ATP2C2: variants seen among roughly 807,000 people sequenced by gnomAD.
The protein encoded by ATP2C2 is ATPase secretory pathway Ca2+ transporting 2.
In ATP2C2, 171 loss-of-function variants were observed where a neutral mutation model predicts 110.8. The observed-to-expected ratio is 1.54, with a 90% CI of 1.36 to 1.75. The LOEUF (loss-of-function observed/expected upper bound fraction) is 1.75. ATP2C2 is among the 40% of genes most tolerant of loss of function. ATP2C2 has a pLI of 0.00. For missense variants in ATP2C2, 1,963 were observed against 1,235.0 expected (o/e 1.59, Z -8.84); for synonymous variants, 804 against 508.4 (o/e 1.58, Z -7.82).
chr16:84,414,116 G>C (rs1906626522), intron 6 of ATP2C2, among the ~76,000 whole-genome samples: 1 of 152,214 alleles, frequency 6.6e-6, no homozygotes, highest in South Asian at 2.1e-4. Context: ...CATTTAGAGA[G>C]GAGGTGACAT....
intron 21 of ATP2C2, among the ~76,000 whole-genome samples, chr16:84,458,506 AAAT>A (rs1191052545): frequency 2.2e-4 from 2 of 9,238 alleles, no homozygotes; most frequent in Middle Eastern, 0.036. Context: ...AAAAAAAAAA[AAAT>A]TTAAATAAAA....
At chr16:84,387,573 A>T (rs546330201) in intron 1 of ATP2C2, among the ~76,000 whole-genome samples, 1 of 152,278 alleles carries the variant, frequency 6.6e-6, no homozygotes, top group South Asian at 2.1e-4. Flanking sequence ...TACTTAAATA[A>T]ACTGTGGCAT....
chr16:84,430,653 A>AAC (rs1908193447), intron 11 of ATP2C2, among the ~76,000 whole-genome samples: 1 of 151,552 alleles, frequency 6.6e-6, no homozygotes, highest in Admixed American at 6.6e-5. Context: ...AAAAAAAAAA[A>AAC]AAAAGTCAGT....
rs185373537 is a variant in ATP2C2, at chr16:84,462,042, G to T, written c.2635G>T (p.Val879Phe). 4 of 1,614,058 alleles carry T rather than the reference G, an allele frequency of 2.5e-6. No individual in the cohort carries two copies. The highest frequency in any genetic ancestry group is 3.4e-6 in the Non-Finnish European group (4 of 1,179,990). Reference protein sequence around the residue: ...FLRNHMFLYSVLGSILGQLAV... With the variant: ...FLRNHMFLYSFLGSILGQLAV... ...CAGGAACCACATGTTCCTCTACTCCGTCCTGGGGTCCATCCTGGGGCAGCT... is the reference window on the plus strand; with the variant it reads ...CAGGAACCACATGTTCCTCTACTCCTTCCTGGGGTCCATCCTGGGGCAGCT... The change falls in exon 26 of 27, where the codon GTC becomes TTC. Residue 879 changes from valine (V) to phenylalanine (F), a missense_variant. Coordinates refer to ENST00000262429, the MANE Select transcript of ATP2C2 (RefSeq NM_014861.4).
intron 1 of ATP2C2, among the ~76,000 whole-genome samples, chr16:84,379,688 C>G (rs1041978030): frequency 6.6e-6 from 1 of 152,234 alleles, no homozygotes; most frequent in Non-Finnish European, 1.5e-5. Flanking sequence ...TGATTAGCTT[C>G]TCTGCGTGTC....
rs757287005 is a variant in ATP2C2 at position 84,460,720 on chromosome 16, C to A, written c.2400C>A (p.Ile800=). ...RQPPRSVRDT[I]LSRALILKIL... is the part of the protein sequence containing the mutation. ...CACCACGGAGTGTGCGGGACACCATCCTCAGCAGAGCCCTCATCCTGAAGA... is the reference window on the plus strand; with the variant it reads ...CACCACGGAGTGTGCGGGACACCATACTCAGCAGAGCCCTCATCCTGAAGA... The change falls in exon 24 of 27, where the codon ATC becomes ATA. Residue 800 remains isoleucine (I), a synonymous_variant. Coordinates refer to ENST00000262429, the MANE Select transcript of ATP2C2 (RefSeq NM_014861.4). 5 of 1,614,098 alleles carry A rather than the reference C, an allele frequency of 3.1e-6. No homozygotes were observed. The highest frequency in any genetic ancestry group is 1.3e-5 in the African/African-American group (1 of 74,940).
At chr16:84,374,086 T>G (rs1910118359) in intron 1 of ATP2C2, among the ~76,000 whole-genome samples, 1 of 152,208 alleles carries the variant, frequency 6.6e-6, no homozygotes, top group Non-Finnish European at 1.5e-5. Context: ...GAAAGAATAT[T>G]TCTTCATTTG....
At chr16:84,384,297 C>T (rs146843968) in intron 1 of ATP2C2, among the ~76,000 whole-genome samples, 1,917 of 152,280 alleles carry the variant, frequency 0.013, 19 homozygotes, top group Non-Finnish European at 0.018. Context: ...TCTGTATTCT[C>T]GACCTTTTTA....
chr16:84,432,888 G>A (rs527991400), intron 11 of ATP2C2, among the ~76,000 whole-genome samples: 44 of 152,226 alleles, frequency 2.9e-4, no homozygotes, highest in African/African-American at 1.0e-3. Flanking sequence ...CCCTCTGAGC[G>A]TGAGGCTGTG....
chr16:84,461,062 T>C (rs1911279297), intron 24 of ATP2C2: 3 of 462,136 alleles, frequency 6.5e-6, no homozygotes, highest in Non-Finnish European at 1.1e-5. Context: ...AGACGGGAGT[T>C]GAAATGTACA....
In ATP2C2 at chr16:84,422,728, T is replaced by G. The variant is rs748084092; in HGVS notation, c.843+31T>G. The G allele has an allele frequency of 1.9e-6, 3 of 1,580,810 alleles. No individual in the cohort carries two copies. In the African/African-American group the frequency reaches 4.1e-5, roughly 22 times the overall value. On this transcript the variant is annotated intron_variant, in intron 9 of 26. Transcript: ENST00000262429. ...GGGCAGGAGGGGGCTTCGGGACTTT[T>G]GTAAGCTGGAGTTTGAGATTATTAT...
intron 2 of ATP2C2, among the ~76,000 whole-genome samples, chr16:84,401,222 C>CTTT (rs55635029): frequency 0.035 from 4,203 of 121,490 alleles, 251 homozygotes; most frequent in Non-Finnish European, 0.049. Flanking sequence ...AGTCTTTAAT[C>CTTT]TTTTTTTTTT....
In ATP2C2 at chr16:84,440,968, A is replaced by T. The variant is rs750741268; in HGVS notation, c.1311+10A>T. ...GGGAAAGTTAGTGGAGGTAGGTGTC[A>T]AAAGCGCCATGAGGGAAATAGGCAT... On this transcript the variant is annotated intron_variant, in intron 14 of 26. Transcript: ENST00000262429. 1.3e-6 allele frequency: 2 copies of T among 1,599,496 alleles called. No individual in the cohort carries two copies. The highest frequency in any genetic ancestry group is 1.7e-6 in the Non-Finnish European group (2 of 1,169,014).
intron 1 of ATP2C2, among the ~76,000 whole-genome samples, chr16:84,389,210 T>A (rs921014642): frequency 3.9e-5 from 6 of 152,330 alleles, no homozygotes; most frequent in African/African-American, 1.2e-4. Context: ...TTTCTTGTTC[T>A]TCTCAGCACC....
At chr16:84,461,600 TGTAA>T (rs1911344047) in intron 24 of ATP2C2, 110 bp from the exon 25 acceptor site, 1 of 913,888 alleles carries the variant, frequency 1.1e-6, no homozygotes, top group East Asian at 2.4e-5. Context: ...TTCATGAGCT[TGTAA>T]GTGGCTCCCA....
chr16:84,451,961 GTTT>G lies in ATP2C2; in HGVS notation c.1702_1704del (p.Phe568del). ...CTGGGCCCGAGCTGGGGCGGCTGAC[GTTT>G]CTCGGTCTTGTGGGCATCATTGACC... is the stretch of plus-strand genomic sequence containing the variant. On this transcript the variant is annotated inframe_deletion, in exon 18 of 27. Transcript: ENST00000262429. The G allele has an allele frequency of 6.2e-7, 1 of 1,614,054 alleles. No homozygotes were observed. Among genetic ancestry groups the G allele is most frequent in the Non-Finnish European group, 8.5e-7 (1 of 1,180,012 alleles).
intron 26 of ATP2C2, 47 bp downstream of exon 26, chr16:84,462,176 G>T (rs375443936): frequency 6.3e-7 from 1 of 1,582,242 alleles, no homozygotes; most frequent in Non-Finnish European, 8.6e-7. Context: ...CCAGGGCCAT[G>T]GGGGGCGGCA....
chr16:84,388,443 C>T (rs565956363), intron 1 of ATP2C2, among the ~76,000 whole-genome samples: 1 of 152,350 alleles, frequency 6.6e-6, no homozygotes, highest in South Asian at 2.1e-4. Context: ...GTAGTAGGCC[C>T]AGGGTAGGGC....
intron 3 of ATP2C2, among the ~76,000 whole-genome samples, chr16:84,405,524 C>G (rs1479890473): frequency 6.6e-6 from 1 of 152,186 alleles, no homozygotes; most frequent in Non-Finnish European, 1.5e-5. Context: ...TAATCCTCCT[C>G]CTAATCCCGC....
Sources: allele counts gnomAD v4.1 joint callset (sites outside exome capture counted in the v4.1 genomes callset), GRCh38; gene constraint gnomAD v4.1.1; transcripts MANE v1.5; gene names NCBI Gene and HGNC (gene_info 2026-07-23, HGNC 2026-07-21).